The following CDC42BPA variants were observed in gnomAD, a reference collection of about 807,000 sequenced individuals.
CDC42BPA encodes the protein CDC42 binding protein kinase alpha.
In CDC42BPA, 80 loss-of-function variants were observed where a neutral mutation model predicts 223.5. The observed-to-expected ratio is 0.36, with a 90% confidence interval of 0.30 to 0.43. The LOEUF (loss-of-function observed/expected upper bound fraction) is 0.43, where lower values mean the gene tolerates loss of function less well. CDC42BPA is among the 20% of genes least tolerant of loss of function. CDC42BPA has a pLI of 1.00. For missense variants in CDC42BPA, 1,743 were observed against 2,099.9 expected (o/e 0.83, Z 3.32); for synonymous variants, 694 against 718.6 (o/e 0.97, Z 0.55).
intron 1 of CDC42BPA, among the ~76,000 whole-genome samples, chr1:227,259,422 G>A (rs1033236842): frequency 6.6e-6 from 1 of 150,956 alleles, no homozygotes. Context: ...CAGATGCATA[G>A]AGAAAGGCAA....
At chr1:227,313,630 G>A (rs898131284) in intron 1 of CDC42BPA, among the ~76,000 whole-genome samples, 2 of 135,990 alleles carry the variant, frequency 1.5e-5, no homozygotes, top group African/African-American at 2.8e-5. Flanking sequence ...TTGATAATTC[G>A]GACTGATTAA....
At chr1:227,171,412 G>A (rs1179877164) in intron 5 of CDC42BPA, among the ~76,000 whole-genome samples, 1 of 152,164 alleles carries the variant, frequency 6.6e-6, no homozygotes, top group Non-Finnish European at 1.5e-5. Flanking sequence ...CTTGAGTCCA[G>A]GAGTTTATGA....
At chr1:227,052,312 C>T (rs1673675521) in intron 21 of CDC42BPA, among the ~76,000 whole-genome samples, 1 of 152,124 alleles carries the variant, frequency 6.6e-6, no homozygotes, top group South Asian at 2.1e-4. Context: ...AGGAATCATA[C>T]ATGTGAAATA....
chr1:227,293,372 A>T (rs752549729), intron 1 of CDC42BPA, among the ~76,000 whole-genome samples: 1 of 152,220 alleles, frequency 6.6e-6, no homozygotes, highest in South Asian at 2.1e-4. Context: ...AAAGAGAATT[A>T]AACCAAACTA....
intron 3 of CDC42BPA, among the ~76,000 whole-genome samples, chr1:227,200,525 T>C (rs1671576088): frequency 6.8e-6 from 1 of 146,464 alleles, no homozygotes; most frequent in African/African-American, 2.6e-5. Flanking sequence ...TTTTGCAATT[T>C]GATTTTTTTT....
chr1:227,276,887 A>G (rs972939469), intron 1 of CDC42BPA, among the ~76,000 whole-genome samples: 52 of 151,982 alleles, frequency 3.4e-4, no homozygotes, highest in Admixed American at 1.9e-3. Flanking sequence ...CATGCTCGTT[A>G]AGAGTCATCA....
chr1:226,998,901 CAAAG>C (rs1285951193), intron 35 of CDC42BPA, among the ~76,000 whole-genome samples: 1 of 152,074 alleles, frequency 6.6e-6, no homozygotes, highest in Non-Finnish European at 1.5e-5. Flanking sequence ...ATCCATCTGA[CAAAG>C]GGCTAATATC....
intron 21 of CDC42BPA, among the ~76,000 whole-genome samples, chr1:227,055,068 A>C (rs1674281314): frequency 6.6e-6 from 1 of 152,002 alleles, no homozygotes; most frequent in African/African-American, 2.4e-5. Flanking sequence ...GAATATAATA[A>C]TTAAAATTTA....
chr1:227,219,829 A>T (rs748350136), intron 2 of CDC42BPA, among the ~76,000 whole-genome samples: 6 of 152,190 alleles, frequency 3.9e-5, no homozygotes, highest in African/African-American at 9.7e-5. Context: ...ATGAATAAGC[A>T]GTAAAGCTCA....
At chr1:227,289,791 TG>T in intron 1 of CDC42BPA, among the ~76,000 whole-genome samples, 1 of 151,486 alleles carries the variant, frequency 6.6e-6, no homozygotes, top group Non-Finnish European at 1.5e-5. Flanking sequence ...CAAGTCTTCT[TG>T]CTTTAAAAAG....
intron 2 of CDC42BPA, among the ~76,000 whole-genome samples, chr1:227,217,693 C>T (rs115611587): frequency 1.3e-5 from 2 of 152,242 alleles, no homozygotes; most frequent in African/African-American, 2.4e-5. Flanking sequence ...TGGCCCTCCA[C>T]CTTCCCTGAC....
chr1:227,095,947 G>A (rs1683914398), intron 15 of CDC42BPA, among the ~76,000 whole-genome samples: 1 of 152,150 alleles, frequency 6.6e-6, no homozygotes, highest in African/African-American at 2.4e-5. Context: ...TATATCTACA[G>A]CAATTTGATG....
intron 5 of CDC42BPA, 119 bp downstream of exon 5, chr1:227,193,667 T>C (rs563110891): frequency 8.7e-5 from 70 of 804,160 alleles, no homozygotes; most frequent in Non-Finnish European, 1.2e-4. Context: ...AAAATAATTT[T>C]TTTTGGTTGA....
chr1:227,193,663 A>ATT (rs150257854), intron 5 of CDC42BPA, 123 bp downstream of exon 5: 26 of 759,798 alleles, frequency 3.4e-5, no homozygotes, highest in Non-Finnish European at 4.8e-5. Flanking sequence ...TCTCAAAATA[A>ATT]TTTTTTTTGG....
intron 1 of CDC42BPA, among the ~76,000 whole-genome samples, chr1:227,304,431 A>T (rs967819684): frequency 6.6e-6 from 1 of 151,910 alleles, no homozygotes; most frequent in Non-Finnish European, 1.5e-5. Context: ...AAAGAAAAAC[A>T]CAAAAACCAC....
At chr1:227,104,558 T>C (rs924605335) in intron 14 of CDC42BPA, among the ~76,000 whole-genome samples, 1 of 152,144 alleles carries the variant, frequency 6.6e-6, no homozygotes, top group Non-Finnish European at 1.5e-5. Context: ...AAGTGAAAAA[T>C]GTAAGTGTAT....
Position 227,268,258 on chromosome 1 carries a change from C to T in CDC42BPA, c.179-14103G>A, listed in dbSNP as rs565275921. ...TATGTATTGTTTTCGTTTGCTTTCACGACATAAGGGCTGAGTTGAATAGCT... is the reference window on the plus strand; with the variant it reads ...TATGTATTGTTTTCGTTTGCTTTCATGACATAAGGGCTGAGTTGAATAGCT... On this transcript the variant is annotated intron_variant, in intron 1 of 36. Transcript: ENST00000366766. Among the ~76,000 whole-genome samples the T allele has an allele frequency of 9.2e-5, 14 of 152,150 alleles. No individual in the cohort carries two copies. In the South Asian group the frequency reaches 2.1e-3, roughly 23 times the overall value.
chr1:227,104,254 C>G (rs1278393171), intron 14 of CDC42BPA, among the ~76,000 whole-genome samples: 2 of 152,110 alleles, frequency 1.3e-5, no homozygotes, highest in Admixed American at 6.6e-5. Context: ...AAAATAATCG[C>G]TAACTTCGTT....
chr1:227,229,771 C>A lies in CDC42BPA; in HGVS notation c.271-16552G>T, dbSNP rs530970507. ...TCTTCTTTCAGTAGTTTTAAAATGC[C>A]ATTTTTCCATTATCTTCAACTTCTA... On this transcript the variant is annotated intron_variant, in intron 2 of 36. Coordinates refer to ENST00000366766, the MANE Select transcript of CDC42BPA (RefSeq NM_001394014.1). 3.3e-5 allele frequency among the ~76,000 whole-genome samples: 5 copies of A among 152,242 alleles called. No individual in the cohort carries two copies. The East Asian group carries it at 9.6e-4, about 29-fold the overall frequency.
Sources: allele counts gnomAD v4.1 joint callset (sites outside exome capture counted in the v4.1 genomes callset), GRCh38; gene constraint gnomAD v4.1.1; transcripts MANE v1.5; gene names NCBI Gene and HGNC (gene_info 2026-07-23, HGNC 2026-07-21).